SLC16A7: variants seen among roughly 807,000 people sequenced by gnomAD.
SLC16A7 encodes the protein monocarboxylate transporter 2.
Under a neutral mutation model 34.9 loss-of-function variants are expected in SLC16A7, and 33 were observed. The ratio of observed to expected loss-of-function variants is 0.94; its 90% CI spans 0.72 to 1.26. The LOEUF (loss-of-function observed/expected upper bound fraction) is 1.26, where lower values mean the gene tolerates loss of function less well. Among genes scored for constraint, SLC16A7 ranks in the 50% most tolerant of loss-of-function variants. SLC16A7 has a pLI of 0.00. For missense variants in SLC16A7, 573 were observed against 578.1 expected (o/e 0.99, Z 0.09); for synonymous variants, 201 against 206.6 (o/e 0.97, Z 0.23).
intron 2 of SLC16A7, among the ~76,000 whole-genome samples, chr12:59,673,132 T>C (rs973777243): frequency 6.6e-6 from 1 of 152,156 alleles, no homozygotes; most frequent in African/African-American, 2.4e-5. Flanking sequence ...CTTATGAAAT[T>C]TATAATTTTG....
chr12:59,690,933 A>G (rs74713219), intron 2 of SLC16A7, among the ~76,000 whole-genome samples: 7 of 151,942 alleles, frequency 4.6e-5, no homozygotes, highest in African/African-American at 1.7e-4. Flanking sequence ...AAATCATTAG[A>G]AAAAAAGATA....
chr12:59,676,677 T>C (rs1240500902), intron 2 of SLC16A7, among the ~76,000 whole-genome samples: 1 of 152,144 alleles, frequency 6.6e-6, no homozygotes, highest in Non-Finnish European at 1.5e-5. Context: ...AATTAAAGTA[T>C]GTGACATTAA....
chr12:59,655,350 G>C (rs112927443), intron 2 of SLC16A7, 100 bp downstream of exon 2: 28 of 151,964 alleles, frequency 1.8e-4, no homozygotes, highest in African/African-American at 6.3e-4. Flanking sequence ...GGTAGTATTG[G>C]CATGACTACT....
At chr12:59,644,707 A>G (rs1880834010) in intron 1 of SLC16A7, among the ~76,000 whole-genome samples, 1 of 152,134 alleles carries the variant, frequency 6.6e-6, no homozygotes, top group Non-Finnish European at 1.5e-5. Flanking sequence ...TGATCTGTTT[A>G]TTTGATTTTT....
intron 3 of SLC16A7, among the ~76,000 whole-genome samples, chr12:59,728,958 G>C (rs1162669668): frequency 6.6e-6 from 1 of 152,090 alleles, no homozygotes; most frequent in Non-Finnish European, 1.5e-5. Flanking sequence ...CTAGATACTT[G>C]TCTGAGATGA....
intron 3 of SLC16A7, among the ~76,000 whole-genome samples, chr12:59,725,924 A>C (rs549436437): frequency 3.0e-4 from 46 of 152,234 alleles, no homozygotes; most frequent in African/African-American, 1.1e-3. Context: ...TTTACAGCAT[A>C]ACATCTTTTT....
Position 59,775,236 on chromosome 12 carries a change from A to G in SLC16A7, c.941A>G (p.Gln314Arg). The change falls in exon 5 of 6, where the codon CAG becomes CGG. Residue 314 changes from glutamine (Q) to arginine (R), a missense_variant. By Grantham distance (43) the Gln-to-Arg change is conservative. Transcript: ENST00000547379. ...ANSKYIRPRI[Q>R]YFFSFAIMFN... ...TCCAAATATATTCGACCTCGAATTC[A>G]GTACTTCTTCAGTTTTGCAATCATG... 6.2e-7 allele frequency: 1 copy of G among 1,614,120 alleles called. No individual in the cohort carries two copies. The highest frequency in any genetic ancestry group is 2.2e-5 in the East Asian group (1 of 44,882).
chr12:59,615,701 G>T (rs1879419011), intron 1 of SLC16A7, among the ~76,000 whole-genome samples: 1 of 152,162 alleles, frequency 6.6e-6, no homozygotes, highest in Non-Finnish European at 1.5e-5. Context: ...GGATATTGTT[G>T]CCATTGCCTC....
rs961109162 is a variant in SLC16A7, at chr12:59,602,413, T to G, written c.-130+6177T>G. ...CTTCTCTCACCGCTCATTTACTGCT[T>G]CTTCTCCAGCTCGCCTTTCACCTCG... On this transcript the variant is annotated intron_variant, in intron 1 of 5. Coordinates refer to ENST00000547379, the MANE Select transcript of SLC16A7 (RefSeq NM_001270623.2). Among the ~76,000 whole-genome samples the G allele has an allele frequency of 6.6e-5, 10 of 151,862 alleles. No individual in the cohort carries two copies. The East Asian group carries it at 7.7e-4, about 12-fold the overall frequency.
intron 2 of SLC16A7, among the ~76,000 whole-genome samples, chr12:59,668,644 G>A (rs1295602621): frequency 6.6e-6 from 1 of 152,150 alleles, no homozygotes; most frequent in Non-Finnish European, 1.5e-5. Context: ...TTTGGATGTA[G>A]ACTTTTGGGT....
At chr12:59,738,626 T>A (rs1001708005) in intron 3 of SLC16A7, among the ~76,000 whole-genome samples, 17 of 152,196 alleles carry the variant, frequency 1.1e-4, no homozygotes, top group African/African-American at 4.1e-4. Flanking sequence ...TGACTCTTTA[T>A]CTTAACAAGG....
chr12:59,779,713 C>CTT lies in SLC16A7; in HGVS notation c.*36_*37dup, dbSNP rs780488779. The stretch of plus-strand genomic sequence containing the variant: ...ACATCTCTGATTTCAGTGTTTATGA[C>CTT]TTTATCTAGGAGTTTGTTTTTCATT... On this transcript the variant is annotated 3_prime_UTR_variant, in exon 6 of 6. Transcript: ENST00000547379. 6.5e-6 allele frequency: 10 copies of CTT among 1,543,008 alleles called. No homozygotes were observed. The Admixed American group carries it at 9.5e-5, about 15-fold the overall frequency.
intron 1 of SLC16A7, among the ~76,000 whole-genome samples, chr12:59,606,732 GTACTCTGCAAAAA>G (rs1043584770): frequency 1.3e-5 from 2 of 152,080 alleles, no homozygotes; most frequent in African/African-American, 4.8e-5. Flanking sequence ...GCTATATGAA[GTACTCTGCAAAAA>G]TACCTGGACA....
chr12:59,719,286 G>A, intron 3 of SLC16A7, among the ~76,000 whole-genome samples: 1 of 152,034 alleles, frequency 6.6e-6, no homozygotes, highest in East Asian at 1.9e-4. Context: ...TCTTTACAAG[G>A]TAAAAATATC....
At chr12:59,658,820 G>A (rs1868671997) in intron 2 of SLC16A7, among the ~76,000 whole-genome samples, 3 of 151,992 alleles carry the variant, frequency 2.0e-5, no homozygotes, top group Admixed American at 2.0e-4. Flanking sequence ...ATTAAAGCTA[G>A]GAAAGTTTTT....
chr12:59,633,362 CAT>C (rs1462676197), intron 1 of SLC16A7, among the ~76,000 whole-genome samples: 1 of 151,908 alleles, frequency 6.6e-6, no homozygotes, highest in East Asian at 1.9e-4. Flanking sequence ...CATATCAGTT[CAT>C]ATGAGATCAC....
At chr12:59,691,608 G>A (rs1274549450) in intron 2 of SLC16A7, among the ~76,000 whole-genome samples, 1 of 151,874 alleles carries the variant, frequency 6.6e-6, no homozygotes, top group Non-Finnish European at 1.5e-5. Flanking sequence ...CTCTGAGCTA[G>A]TTTTCTTTTC....
chr12:59,762,948 T>C (rs1192540811), intron 3 of SLC16A7, among the ~76,000 whole-genome samples: 1 of 152,146 alleles, frequency 6.6e-6, no homozygotes, highest in Admixed American at 6.6e-5. Flanking sequence ...GTTACATCTC[T>C]GCAAATTATT....
At chr12:59,646,010 A>G (rs1407814225) in intron 1 of SLC16A7, among the ~76,000 whole-genome samples, 1 of 152,210 alleles carries the variant, frequency 6.6e-6, no homozygotes, top group Non-Finnish European at 1.5e-5. Context: ...ATCTGGTGGT[A>G]GTAATTTCTA....
Sources: allele counts gnomAD v4.1 joint callset (sites outside exome capture counted in the v4.1 genomes callset), GRCh38; gene constraint gnomAD v4.1.1; transcripts MANE v1.5; gene names NCBI Gene and HGNC (gene_info 2026-07-23, HGNC 2026-07-21).